The following SBNO1 variants were observed in gnomAD, a reference collection of about 807,000 sequenced individuals.
The protein encoded by SBNO1 is strawberry notch homolog 1, also known as protein strawberry notch homolog 1.
In SBNO1, 23 loss-of-function variants were observed where a neutral mutation model predicts 173.6. The observed-to-expected ratio is 0.13, with a 90% CI of 0.10 to 0.19. The LOEUF is 0.19. SBNO1 is among the 10% of genes least tolerant of loss of function. The pLI is 1.00. For synonymous variants in SBNO1, 632 were observed against 571.5 expected (o/e 1.11, Z -1.51); for missense variants, 1,238 against 1,671.2 (o/e 0.74, Z 4.52).
intron 5 of SBNO1, 120 bp downstream of exon 5, chr12:123,340,868 C>T: frequency 1.5e-6 from 1 of 664,506 alleles, no homozygotes; most frequent in African/African-American, 1.9e-5. Context: ...AGTTCCCACG[C>T]CTGTATAGCT....
rs746901374 is a variant in SBNO1 at position 123,331,341 on chromosome 12, G to A, written c.944C>T (p.Ala315Val). 21 of 1,613,758 alleles carry A rather than the reference G, an allele frequency of 1.3e-5. No homozygotes were observed. The highest frequency in any genetic ancestry group is 1.7e-6 in the Non-Finnish European group (2 of 1,179,794). Residue 315 changes from alanine to valine, a missense_variant, in exon 8 of 32, where the codon GCT (alanine) becomes GTT (valine). Physicochemically the swap from Ala to Val is moderately conservative, Grantham distance 64. Coordinates refer to ENST00000602398, the MANE Select transcript of SBNO1 (RefSeq NM_001167856.3). ...HETFLPNGDR[A>V]GFLIGDGAGV... The stretch of plus-strand genomic sequence containing the variant: ...GGCACCATCACCTATTAAGAAGCCA[G>A]CACGATCTCCATTAGGTAGGAAAGT...
In SBNO1 at chr12:123,290,894, C is replaced by G. The variant is rs1449734399; in HGVS notation, c.*5014G>C. The G allele has an allele frequency of 1.3e-5, 2 of 151,460 alleles. No homozygotes were observed. The highest frequency in any genetic ancestry group is 6.6e-5 in the Admixed American group (1 of 15,134). 9.4% of individuals were successfully genotyped at this position (151,460 alleles called of 1,614,324 possible). On this transcript the variant is annotated 3_prime_UTR_variant, in exon 32 of 32. Coordinates refer to ENST00000602398, the MANE Select transcript of SBNO1 (RefSeq NM_001167856.3). The stretch of plus-strand genomic sequence containing the variant: ...CTGGGACTACAGGCACCCGCCACCA[C>G]GCCTGGCTAAGTTTTTTTTTTTTTT...
intron 16 of SBNO1, among the ~76,000 whole-genome samples, chr12:123,323,137 T>A (rs1296495709): frequency 6.6e-6 from 1 of 152,204 alleles, no homozygotes; most frequent in African/African-American, 2.4e-5. Flanking sequence ...TATGGTAGAA[T>A]GTATATAGCC....
intron 1 of SBNO1, among the ~76,000 whole-genome samples, chr12:123,362,247 T>A (rs1875360217): frequency 6.6e-6 from 1 of 150,418 alleles, no homozygotes; most frequent in African/African-American, 2.4e-5. Flanking sequence ...CTATCCTGGC[T>A]AACATGGTGA....
chr12:123,296,837 GTGTGAGCC>G (rs772611877), intron 31 of SBNO1, among the ~76,000 whole-genome samples: 16 of 151,112 alleles, frequency 1.1e-4, no homozygotes, highest in Non-Finnish European at 2.2e-4. Flanking sequence ...GGGATTATAG[GTGTGAGCC>G]ACCGTGCCCG....
rs1450939857 is a variant in SBNO1, at chr12:123,343,414, AAGT to A, written c.550+1841_550+1843del. On this transcript the variant is annotated intron_variant, in intron 4 of 31. Transcript: ENST00000602398. ...AAGGGGCAACAACCACACAGATAAG[AAGT>A]AGAACATGCAACACCTTGCTTTCTG... Among the ~76,000 whole-genome samples the A allele has an allele frequency of 2.0e-5, 3 of 152,118 alleles. No homozygotes were observed. The East Asian group carries it at 5.8e-4, about 29-fold the overall frequency.
At chr12:123,355,427 G>A (rs1488250431) in intron 1 of SBNO1, among the ~76,000 whole-genome samples, 1 of 152,088 alleles carries the variant, frequency 6.6e-6, no homozygotes, top group African/African-American at 2.4e-5. Context: ...CCAACGTGGT[G>A]AAACCGTCTC....
At position 123,290,742 on chromosome 12, in the gene SBNO1, CT is replaced by C. The variant is rs112885602; in HGVS notation, c.*5165del. 3.7e-4 allele frequency: 53 copies of C among 144,944 alleles called. No individual in the cohort carries two copies. Among genetic ancestry groups the C allele is most frequent in the Middle Eastern group, 3.6e-3 (1 of 280 alleles). 9.0% of individuals were successfully genotyped at this position (144,944 alleles called of 1,614,324 possible). On this transcript the variant is annotated 3_prime_UTR_variant, in exon 32 of 32. Coordinates refer to ENST00000602398, the MANE Select transcript of SBNO1 (RefSeq NM_001167856.3). ...TTGTTCCTTAATGTACATTCTCTCT[CT>C]TTTTTTTTTTTCGAGACGGAGTCTC...
At chr12:123,348,674 G>C (rs1284605167) in intron 2 of SBNO1, among the ~76,000 whole-genome samples, 1 of 152,206 alleles carries the variant, frequency 6.6e-6, no homozygotes, top group South Asian at 2.1e-4. Context: ...GCTGAGGCAG[G>C]AGAATGGCGT....
At chr12:123,317,398 A>G in intron 20 of SBNO1, 42 bp from the exon 21 acceptor site, 1 of 1,600,642 alleles carries the variant, frequency 6.2e-7, no homozygotes, top group Non-Finnish European at 8.5e-7. Context: ...TTTGCATAAG[A>G]ACAAGCAGGC....
chr12:123,338,264 A>G (rs1185673986), intron 5 of SBNO1, among the ~76,000 whole-genome samples: 1 of 152,198 alleles, frequency 6.6e-6, no homozygotes, highest in Non-Finnish European at 1.5e-5. Flanking sequence ...AACAAAATAC[A>G]TTTGTCAGCC....
At chr12:123,326,626 A>C (rs1469344579) in intron 13 of SBNO1, among the ~76,000 whole-genome samples, 1 of 152,196 alleles carries the variant, frequency 6.6e-6, no homozygotes, top group Non-Finnish European at 1.5e-5. Flanking sequence ...ACAATCTGAA[A>C]TATAAGAACA....
At chr12:123,344,232 C>G (rs1872858933) in intron 4 of SBNO1, among the ~76,000 whole-genome samples, 1 of 152,170 alleles carries the variant, frequency 6.6e-6, no homozygotes, top group Non-Finnish European at 1.5e-5. Context: ...TGCCCTGCAC[C>G]TCAGCCAGGT....
chr12:123,325,880 G>A (rs534597007), intron 14 of SBNO1, among the ~76,000 whole-genome samples: 5 of 152,052 alleles, frequency 3.3e-5, no homozygotes, highest in Non-Finnish European at 5.9e-5. Context: ...AATATTCACC[G>A]AAAAGAAAAA....
intron 16 of SBNO1, among the ~76,000 whole-genome samples, chr12:123,322,471 A>T (rs77916750): frequency 0.048 from 7,244 of 151,980 alleles, 303 homozygotes; most frequent in East Asian, 0.25. Context: ...CTAAGTTTTT[A>T]ATTTTTAGTA....
intron 29 of SBNO1, chr12:123,304,381 T>C (rs533033293): frequency 1.9e-4 from 77 of 409,574 alleles, no homozygotes; most frequent in Admixed American, 4.8e-4. Flanking sequence ...ATTACAGGTA[T>C]GCATCACCAT....
intron 1 of SBNO1, among the ~76,000 whole-genome samples, chr12:123,350,667 T>C (rs1480794856): frequency 6.6e-6 from 1 of 152,144 alleles, no homozygotes; most frequent in African/African-American, 2.4e-5. Flanking sequence ...AGCACAAGTA[T>C]GCATCTACAA....
chr12:123,295,923 G>C lies in SBNO1; in HGVS notation c.4167C>G (p.Asn1389Lys), dbSNP rs1395404305. The change falls in exon 32 of 32, where the codon AAC becomes AAG. Residue 1389 changes from asparagine to lysine, a missense_variant. Asn to Lys is a moderately conservative substitution (Grantham distance 94). Transcript: ENST00000602398. ...WQQHHPQSIT[N>K]LSNA ...TGTCTGTTCTTCATGCGTTGCTCAA[G>C]TTGGTGATGCTCTGAGGGTGATGCT... 6.2e-7 allele frequency: 1 copy of C among 1,613,232 alleles called. No homozygotes were observed. The highest frequency in any genetic ancestry group is 8.5e-7 in the Non-Finnish European group (1 of 1,179,294).
intron 23 of SBNO1, among the ~76,000 whole-genome samples, chr12:123,315,107 T>C (rs1218509465): frequency 6.6e-6 from 1 of 152,176 alleles, no homozygotes; most frequent in Non-Finnish European, 1.5e-5. Flanking sequence ...AAAAATTAAC[T>C]TCCTTTGCTT....
Sources: allele counts gnomAD v4.1 joint callset (sites outside exome capture counted in the v4.1 genomes callset), GRCh38; gene constraint gnomAD v4.1.1; transcripts MANE v1.5; gene names NCBI Gene and HGNC (gene_info 2026-07-23, HGNC 2026-07-21).